The following ZP3 variants were observed in gnomAD, a reference collection of about 807,000 sequenced individuals.
ZP3 encodes zona pellucida glycoprotein 3, also known as zona pellucida sperm-binding protein 3.
Under a neutral mutation model 35.6 loss-of-function variants are expected in ZP3, and 21 were observed. That is an observed-to-expected ratio of 0.59 (90% CI 0.42 to 0.85). ZP3 has a LOEUF of 0.85. ZP3 is among the 40% of genes least tolerant of loss of function. ZP3 has a pLI of 0.00. For synonymous variants in ZP3, 207 were observed against 214.5 expected (o/e 0.96, Z 0.31); for missense variants, 437 against 536.5 (o/e 0.81, Z 1.83).
chr7:76,441,009 TAAAAATA>T, intron 7 of ZP3, among the ~76,000 whole-genome samples: 1 of 151,566 alleles, frequency 6.6e-6, no homozygotes, highest in East Asian at 2.0e-4. Context: ...CCATCTCTAC[TAAAAATA>T]AAAAATTAGC....
intron 1 of ZP3, among the ~76,000 whole-genome samples, chr7:76,426,488 T>C (rs1805656220): frequency 6.6e-6 from 1 of 152,094 alleles, no homozygotes; most frequent in Non-Finnish European, 1.5e-5. Flanking sequence ...GCCAGAGCTC[T>C]GGTCTTAACT....
intron 1 of ZP3, among the ~76,000 whole-genome samples, chr7:76,401,479 C>T (rs1426554521): frequency 1.3e-5 from 2 of 151,964 alleles, no homozygotes; most frequent in Non-Finnish European, 2.9e-5. Flanking sequence ...TGCAATGGCA[C>T]GATCTCAGCT....
chr7:76,399,318 C>T (rs554771583), intron 1 of ZP3, among the ~76,000 whole-genome samples: 1 of 152,108 alleles, frequency 6.6e-6, no homozygotes, highest in East Asian at 1.9e-4. Flanking sequence ...CAGCCTGAAG[C>T]ACAGTTCTTA....
At chr7:76,429,304 T>C in intron 1 of ZP3, 1 of 549,692 alleles carries the variant, frequency 1.8e-6, no homozygotes, top group African/African-American at 1.9e-5. Flanking sequence ...GGGGTCTTGC[T>C]ATGTTTCCCA....
chr7:76,420,513 C>T (rs371759431), upstream of ZP3, among the ~76,000 whole-genome samples: 1 of 152,260 alleles, frequency 6.6e-6, no homozygotes. Context: ...ACATGGAATA[C>T]CTCTGTAAAT....
At chr7:76,416,820 A>G (rs561258106) in intron 1 of ZP3, among the ~76,000 whole-genome samples, 2 of 148,320 alleles carry the variant, frequency 1.3e-5, no homozygotes, top group Admixed American at 6.8e-5. Flanking sequence ...CTCTCTCTAT[A>G]TATATATACA....
chr7:76,426,287 G>A (rs555913459), intron 1 of ZP3, among the ~76,000 whole-genome samples: 1 of 152,114 alleles, frequency 6.6e-6, no homozygotes, highest in Non-Finnish European at 1.5e-5. Context: ...AGGCTGCAAG[G>A]AGAGGCCTTA....
At chr7:76,420,127 C>T, upstream of ZP3, among the ~76,000 whole-genome samples, 1 of 151,024 alleles carries the variant, frequency 6.6e-6, no homozygotes, top group Non-Finnish European at 1.5e-5. Context: ...TCCTCCCCCT[C>T]CTCCCCTTCC....
intron 1 of ZP3, among the ~76,000 whole-genome samples, chr7:76,404,806 A>G (rs1804947887): frequency 6.6e-6 from 1 of 151,870 alleles, no homozygotes. Context: ...GCGGTGGCTC[A>G]TGCCTGTAAT....
chr7:76,421,143 C>T (rs1402171567), upstream of ZP3, among the ~76,000 whole-genome samples: 1 of 152,108 alleles, frequency 6.6e-6, no homozygotes, highest in Non-Finnish European at 1.5e-5. Flanking sequence ...ACCATATTGG[C>T]CAGGCTGGTC....
At chr7:76,405,302 TATA>T (rs1447839375) in intron 1 of ZP3, among the ~76,000 whole-genome samples, 195 of 58,334 alleles carry the variant, frequency 3.3e-3, no homozygotes, top group African/African-American at 4.4e-3. Context: ...TATATATATA[TATA>T]TATATATATA....
Position 76,440,343 on chromosome 7 carries a change from TG to T in ZP3, c.923+3del. The stretch of plus-strand genomic sequence containing the variant: ...TTCCTTCAGCAAGCCTTCCAACAGG[TG>T]AGGAGGACAGGTGCTCCGTGACTGG... On this transcript the variant is annotated splice_donor_region_variant and intron_variant, in intron 6 of 7. Coordinates refer to ENST00000394857, the MANE Select transcript of ZP3 (RefSeq NM_001110354.2). The T allele has an allele frequency of 6.4e-7, 1 of 1,558,396 alleles. No individual in the cohort carries two copies. The highest frequency in any genetic ancestry group is 1.8e-5 in the Admixed American group (1 of 55,228).
In ZP3 at chr7:76,427,230, C is replaced by T. The variant is rs1041501672; in HGVS notation, c.312+1954C>T. On this transcript the variant is annotated intron_variant, in intron 1 of 7. Transcript: ENST00000394857. ...AGTTTTGCCCGGTGAGAATCACCTG[C>T]GGCTGGCCGTGCGCAGTGGCTCACG... Among the ~76,000 whole-genome samples the T allele has an allele frequency of 7.2e-5, 11 of 151,938 alleles. 1 individual carries two copies. The highest frequency in any genetic ancestry group is 4.1e-4 in the South Asian group (2 of 4,826).
rs1193527373 is a variant in ZP3, at chr7:76,405,339, C to CT, written c.-67+7564dup. 8.9e-3 allele frequency among the ~76,000 whole-genome samples: 190 copies of CT among 21,374 alleles called. 10 individuals carry two copies. The highest frequency in any genetic ancestry group is 0.034 in the African/African-American group (159 of 4,716). The allele number at this position is 21,374 out of a possible 152,430, so 14.0% of individuals were successfully genotyped here. A position where few individuals can be genotyped will look rare whatever the true frequency, so the allele number is the denominator to read the frequency against. On this transcript the variant is annotated intron_variant, in intron 1 of 8. Transcript: ENST00000336517. ...TATGTATTTTTTTCTTTCTTTCTTTCTTTTTTTTTTTTTTTTTTTTTTGGT... is the reference window on the plus strand; with the variant it reads ...TATGTATTTTTTTCTTTCTTTCTTTCTTTTTTTTTTTTTTTTTTTTTTTGGT...
intron 1 of ZP3, among the ~76,000 whole-genome samples, chr7:76,410,999 GAAAAAAAA>G (rs977138723): frequency 1.2e-5 from 1 of 80,284 alleles, no homozygotes; most frequent in South Asian, 4.3e-4. Flanking sequence ...CATCTCAAAA[GAAAAAAAA>G]AAAAAAAAAA....
intron 1 of ZP3, among the ~76,000 whole-genome samples, chr7:76,399,249 G>T (rs1804737572): frequency 6.6e-6 from 1 of 152,096 alleles, no homozygotes; most frequent in African/African-American, 2.4e-5. Flanking sequence ...CTGACCTCAG[G>T]TGATACACCT....
In ZP3 at chr7:76,401,078, G is replaced by C. The variant is rs747673443; in HGVS notation, c.-67+3281G>C. The C allele has an allele frequency of 2.4e-5, 37 of 1,518,332 alleles. No homozygotes were observed. The South Asian group carries it at 4.6e-4, about 19-fold the overall frequency. 94.1% of individuals were successfully genotyped at this position (1,518,332 alleles called of 1,614,324 possible). ...AGTGAGGAAGAGCATTGGCCCCTCTGCCCACACCATGGCTCCCTGGTCCCA... is the reference window on the plus strand; with the variant it reads ...AGTGAGGAAGAGCATTGGCCCCTCTCCCCACACCATGGCTCCCTGGTCCCA... On this transcript the variant is annotated intron_variant, in intron 1 of 8. Coordinates refer to the ZP3 transcript ENST00000336517.
intron 1 of ZP3, among the ~76,000 whole-genome samples, chr7:76,401,550 G>A (rs111399209): frequency 0.18 from 27,743 of 152,070 alleles, 2,774 homozygotes; most frequent in South Asian, 0.25. Flanking sequence ...CCGAGTAGCT[G>A]GGATTACAGG....
chr7:76,425,251 T>A lies in ZP3; in HGVS notation c.287T>A (p.Leu96His). The A allele has an allele frequency of 6.2e-7, 1 of 1,609,666 alleles. No homozygotes were observed. The change falls in exon 1 of 8, where the codon CTC becomes CAC. Residue 96 changes from leucine to histidine, a missense_variant. Leu to His is a moderately conservative substitution (Grantham distance 99). Transcript: ENST00000394857. ...TEDVVRFEVG[L>H]HECGNSMQVT... is the part of the protein sequence containing the mutation. ...GATGTGGTCAGGTTTGAGGTTGGACTCCACGAGTGTGGCAACAGCATGCAG... is the reference window on the plus strand; with the variant it reads ...GATGTGGTCAGGTTTGAGGTTGGACACCACGAGTGTGGCAACAGCATGCAG...
Sources: gnomAD v4.1 joint callset for allele counts (sites outside exome capture counted in the v4.1 genomes callset) on GRCh38, gnomAD v4.1.1 for gene constraint, MANE v1.5 for transcripts, NCBI Gene and HGNC (gene_info 2026-07-23, HGNC 2026-07-21) for gene names.